ENTREP3: variants seen among roughly 807,000 people sequenced by gnomAD.
ENTREP3 encodes endosomal transmembrane epsin interactor 3.
At chr1:155,250,267 G>A in the ENTREP3 span, 3 of 1,544,922 alleles carry the variant, frequency 1.9e-6, no homozygotes, top group South Asian at 1.2e-5. This position sits in a 1 kb window ranked among gnomAD's most constrained non-coding sequence, Gnocchi z 5.4. Flanking sequence ...AGTCGGGGAG[G>A]GGGCTCACCA....
the ENTREP3 span, chr1:155,250,728 T>TG: frequency 1.9e-6 from 3 of 1,612,776 alleles, no homozygotes; most frequent in Non-Finnish European, 2.5e-6. This position sits in a 1 kb window ranked among gnomAD's most constrained non-coding sequence, Gnocchi z 5.4. Flanking sequence ...CACGGAGCCC[T>TG]GCAGCTCCAG....
the ENTREP3 span, chr1:155,250,477 G>A: frequency 6.7e-7 from 1 of 1,481,774 alleles, no homozygotes. This position sits in a 1 kb window ranked among gnomAD's most constrained non-coding sequence, Gnocchi z 5.4. Context: ...CTCAGCTCGG[G>A]GAAGCAGGGT....
the ENTREP3 span, chr1:155,255,002 G>A: frequency 6.9e-6 from 5 of 726,540 alleles, no homozygotes; most frequent in Non-Finnish European, 1.1e-5. The surrounding 1 kb of genome is among the most constrained non-coding windows in gnomAD (Gnocchi z 5.6). Flanking sequence ...CCCCCTGGCT[G>A]GGTCCCCTGG....
At chr1:155,247,896 T>C in the ENTREP3 span, 2 of 1,578,368 alleles carry the variant, frequency 1.3e-6, no homozygotes, top group Non-Finnish European at 1.7e-6. Context: ...AGCTCAGATC[T>C]CCGCAGCTGC....
At chr1:155,250,667 G>A in the ENTREP3 span, 1 of 1,612,442 alleles carries the variant, frequency 6.2e-7, no homozygotes, top group South Asian at 1.1e-5. This position sits in a 1 kb window ranked among gnomAD's most constrained non-coding sequence, Gnocchi z 5.4. Context: ...TGAGGCAGTA[G>A]CCGGCACGGC....
the ENTREP3 span, chr1:155,247,804 C>T: frequency 6.8e-7 from 1 of 1,466,050 alleles, no homozygotes; most frequent in Non-Finnish European, 9.0e-7. Context: ...CTCCCGGCTG[C>T]CCCCGTTGAG....
the ENTREP3 span, chr1:155,250,895 C>A: frequency 6.9e-7 from 1 of 1,446,104 alleles, no homozygotes; most frequent in Non-Finnish European, 9.3e-7. This position sits in a 1 kb window ranked among gnomAD's most constrained non-coding sequence, Gnocchi z 5.4. Flanking sequence ...TCCTCTTCTC[C>A]CAAGCCCAGC....
the ENTREP3 span, among the ~76,000 whole-genome samples, chr1:155,250,030 C>G: frequency 6.6e-6 from 1 of 151,962 alleles, no homozygotes; most frequent in African/African-American, 2.4e-5. This position sits in a 1 kb window ranked among gnomAD's most constrained non-coding sequence, Gnocchi z 5.4. Flanking sequence ...TGCACTCCAG[C>G]CTGGGCGACA....
chr1:155,248,307 CAG>C, the ENTREP3 span: 3 of 1,607,388 alleles, frequency 1.9e-6, no homozygotes, highest in East Asian at 4.5e-5. Context: ...CAGAGCCCTG[CAG>C]AGAGACAGAG....
At chr1:155,251,165 C>T in the ENTREP3 span, 1 of 1,601,780 alleles carries the variant, frequency 6.2e-7, no homozygotes, top group Non-Finnish European at 8.5e-7. Flanking sequence ...AGAGAGTGGC[C>T]TGCAGAAGAC....
At chr1:155,249,757 T>C in the ENTREP3 span, among the ~76,000 whole-genome samples, 2 of 151,958 alleles carry the variant, frequency 1.3e-5, no homozygotes, top group Non-Finnish European at 2.9e-5. Context: ...CAGGCATCTG[T>C]AGTCCCAGCT....
At chr1:155,248,211 G>C in the ENTREP3 span, 1 of 1,609,622 alleles carries the variant, frequency 6.2e-7, no homozygotes, top group Non-Finnish European at 8.5e-7. Context: ...TGGAAGGTGG[G>C]CACAGGGCGC....
the ENTREP3 span, chr1:155,251,675 C>T: frequency 6.2e-7 from 1 of 1,606,806 alleles, no homozygotes; most frequent in African/African-American, 1.3e-5. Flanking sequence ...TCCAGCAATC[C>T]AGGCCCAGCC....
At chr1:155,254,779 G>T in the ENTREP3 span, 1 of 1,613,802 alleles carries the variant, frequency 6.2e-7, no homozygotes, top group Non-Finnish European at 8.5e-7. This position sits in a 1 kb window ranked among gnomAD's most constrained non-coding sequence, Gnocchi z 4.4. Context: ...GCGTAAGCAG[G>T]GCCTGCAGCC....
chr1:155,255,149 GC>G, the ENTREP3 span: 1 of 572,338 alleles, frequency 1.7e-6, no homozygotes, highest in Non-Finnish European at 3.1e-6. The surrounding 1 kb of genome is among the most constrained non-coding windows in gnomAD (Gnocchi z 5.6). Context: ...GGGGGCACCG[GC>G]TCATCGCATC....
chr1:155,247,650 G>T, the ENTREP3 span: 2 of 892,226 alleles, frequency 2.2e-6, no homozygotes, highest in Non-Finnish European at 3.6e-6. Flanking sequence ...AGGTAGGAGG[G>T]AAAGGGACAC....
the ENTREP3 span, chr1:155,247,803 G>GC: frequency 1.4e-6 from 2 of 1,465,458 alleles, no homozygotes; most frequent in Non-Finnish European, 1.8e-6. Flanking sequence ...TCTCCCGGCT[G>GC]CCCCCGTTGA....
At chr1:155,254,022 C>G in the ENTREP3 span, 1 of 1,613,196 alleles carries the variant, frequency 6.2e-7, no homozygotes, top group South Asian at 1.1e-5. The surrounding 1 kb of genome is among the most constrained non-coding windows in gnomAD (Gnocchi z 4.4). Flanking sequence ...TCAGGACAAA[C>G]TGAGGTGTCC....
chr1:155,250,428 G>GGGGGC, the ENTREP3 span: 1 of 1,389,868 alleles, frequency 7.2e-7, no homozygotes, highest in Non-Finnish European at 9.7e-7. This position sits in a 1 kb window ranked among gnomAD's most constrained non-coding sequence, Gnocchi z 5.4. Flanking sequence ...GGTGGGCGGG[G>GGGGGC]CTGCGGCTGG....
Sources: allele counts gnomAD v4.1 joint callset (sites outside exome capture counted in the v4.1 genomes callset), GRCh38; gene constraint gnomAD v4.1.1; non-coding constraint Gnocchi (gnomAD v3.1); transcripts MANE v1.5; gene names NCBI Gene and HGNC (gene_info 2026-07-23, HGNC 2026-07-21).